Variants in FRAS1 observed in about 807,000 individuals in gnomAD.
FRAS1 encodes extracellular matrix organizing protein FRAS1.
In FRAS1, 290 loss-of-function variants were observed where a neutral mutation model predicts 435.2. The ratio of observed to expected loss-of-function variants is 0.67; its 90% CI spans 0.61 to 0.73. FRAS1 has a LOEUF of 0.73. Among genes scored for constraint, FRAS1 ranks in the 30% least tolerant of loss-of-function variants. The pLI, the probability that FRAS1 is intolerant of heterozygous loss-of-function variation, is 0.00. For missense variants in FRAS1, 4,860 were observed against 5,001.5 expected, an observed-to-expected ratio of 0.97 and a Z score of 0.85; for synonymous variants, 1,800 against 1,851.0, an observed-to-expected ratio of 0.97 and a Z score of 0.71.
intron 64 of FRAS1, 70 bp from the exon 65 acceptor site, chr4:78,513,322 G>A: frequency 6.7e-7 from 1 of 1,482,024 alleles, no homozygotes; most frequent in Admixed American, 1.9e-5. Flanking sequence ...TAGGTGATGA[G>A]AAAGAAGTAT....
At chr4:78,372,947 T>A in intron 24 of FRAS1, 89 bp downstream of exon 24, 1 of 1,404,920 alleles carries the variant, frequency 7.1e-7, no homozygotes, top group Non-Finnish European at 9.5e-7. Context: ...GTGGCAAGTT[T>A]CCCCTTCTGG....
chr4:78,152,345 C>T (rs1578154957), intron 2 of FRAS1, among the ~76,000 whole-genome samples: 1 of 152,030 alleles, frequency 6.6e-6, no homozygotes, highest in East Asian at 1.9e-4. Context: ...GACTGAGTGG[C>T]TTAAGGCAGC....
At chr4:78,193,289 G>C (rs1486463046) in intron 2 of FRAS1, among the ~76,000 whole-genome samples, 1 of 152,198 alleles carries the variant, frequency 6.6e-6, no homozygotes, top group Non-Finnish European at 1.5e-5. Flanking sequence ...TATTAGGTCT[G>C]CTTGGTGCAG....
intron 24 of FRAS1, among the ~76,000 whole-genome samples, chr4:78,373,359 C>T (rs1237936262): frequency 6.6e-6 from 1 of 151,624 alleles, no homozygotes; most frequent in Non-Finnish European, 1.5e-5. Flanking sequence ...AGAGAGCATT[C>T]CTAGGAGTAT....
At chr4:78,182,630 C>T (rs557430841) in intron 2 of FRAS1, among the ~76,000 whole-genome samples, 2 of 152,068 alleles carry the variant, frequency 1.3e-5, no homozygotes, top group African/African-American at 4.8e-5. Context: ...GTAATCCCAG[C>T]ACTTTGGGAG....
chr4:78,142,871 G>A (rs1387674311), intron 2 of FRAS1, among the ~76,000 whole-genome samples: 1 of 151,990 alleles, frequency 6.6e-6, no homozygotes, highest in Non-Finnish European at 1.5e-5. Flanking sequence ...AATAGTTAAG[G>A]AATGTGCAAC....
chr4:78,467,320 A>C (rs185507820), intron 50 of FRAS1, among the ~76,000 whole-genome samples: 5 of 152,226 alleles, frequency 3.3e-5, no homozygotes, highest in African/African-American at 4.8e-5. Flanking sequence ...AAGTGAGAAC[A>C]TGTGATGTTT....
At chr4:78,275,023 G>T (rs1028016308) in intron 9 of FRAS1, among the ~76,000 whole-genome samples, 1 of 152,138 alleles carries the variant, frequency 6.6e-6, no homozygotes, top group Non-Finnish European at 1.5e-5. Context: ...ATATATTTAG[G>T]ATAGTTAGCT....
At chr4:78,126,180 G>C (rs1308312998) in intron 2 of FRAS1, among the ~76,000 whole-genome samples, 1 of 152,078 alleles carries the variant, frequency 6.6e-6, no homozygotes, top group Non-Finnish European at 1.5e-5. Context: ...AGTGAGCAAG[G>C]CTCCGTGAGC....
chr4:78,506,045 G>A (rs1024302863), intron 61 of FRAS1, among the ~76,000 whole-genome samples: 5 of 152,206 alleles, frequency 3.3e-5, no homozygotes, highest in African/African-American at 1.2e-4. Flanking sequence ...CTGTTTGCCT[G>A]GGTATCACCA....
intron 34 of FRAS1, 112 bp downstream of exon 34, chr4:78,422,112 C>G (rs1733813476): frequency 8.9e-7 from 1 of 1,128,574 alleles, no homozygotes; most frequent in African/African-American, 1.6e-5. Context: ...CCCCTGCTTT[C>G]TAGCTATTCA....
intron 6 of FRAS1, among the ~76,000 whole-genome samples, chr4:78,258,010 C>T (rs566872823): frequency 7.2e-5 from 11 of 151,872 alleles, no homozygotes; most frequent in Non-Finnish European, 1.3e-4. Flanking sequence ...TTAATTAATC[C>T]GAGTAGTTTG....
chr4:78,084,363 G>C (rs755781760), intron 2 of FRAS1, among the ~76,000 whole-genome samples: 3 of 152,036 alleles, frequency 2.0e-5, no homozygotes, highest in Non-Finnish European at 4.4e-5. Flanking sequence ...ACTATCTGCT[G>C]TTACTATTGA....
intron 61 of FRAS1, among the ~76,000 whole-genome samples, chr4:78,502,045 T>C (rs1358481173): frequency 1.3e-5 from 2 of 152,236 alleles, no homozygotes; most frequent in Non-Finnish European, 2.9e-5. Context: ...TGGTGTTATT[T>C]CTGAGGCCTC....
At chr4:78,300,322 T>G (rs757533806) in intron 14 of FRAS1, among the ~76,000 whole-genome samples, 2 of 152,220 alleles carry the variant, frequency 1.3e-5, no homozygotes, top group Non-Finnish European at 1.5e-5. Context: ...ATGTTCTACA[T>G]TTATAAAATA....
Position 78,286,501 on chromosome 4 carries a change from G to A in FRAS1, c.1496G>A (p.Cys499Tyr), listed in dbSNP as rs1333849717. 1 of 1,613,406 alleles carries A rather than the reference G, an allele frequency of 6.2e-7. No individual in the cohort carries two copies. The highest frequency in any genetic ancestry group is 1.7e-5 in the Admixed American group (1 of 60,002). Residue 499 changes from cysteine (C) to tyrosine (Y), a missense_variant, in exon 14 of 74, where the codon TGT (cysteine) becomes TAT (tyrosine). Cys to Tyr is a radical substitution (Grantham distance 194, BLOSUM62 -2). Transcript: ENST00000512123. Reference protein sequence around the residue: ...LMRHGQCVPTCGDGFYQDRHS... With the variant: ...LMRHGQCVPTYGDGFYQDRHS... ...CGGCACGGGCAGTGTGTGCCTACCT[G>A]TGGGGACGGCTTCTACCAAGATCGC...
chr4:78,305,059 A>T (rs1377496572), intron 14 of FRAS1, among the ~76,000 whole-genome samples: 2 of 151,984 alleles, frequency 1.3e-5, no homozygotes, highest in Admixed American at 6.5e-5. Context: ...CTGGTATGTT[A>T]TGTCTTTGTT....
chr4:78,117,589 C>T (rs551208180), intron 2 of FRAS1, among the ~76,000 whole-genome samples: 65 of 152,164 alleles, frequency 4.3e-4, no homozygotes, highest in South Asian at 2.1e-3. Context: ...TTTGCTCTTC[C>T]GTCACTGATA....
rs954780807 is a variant in FRAS1, at chr4:78,424,879, A to G, written c.4711+459A>G. On this transcript the variant is annotated intron_variant, in intron 35 of 73. Transcript: ENST00000512123. ...CAGGAGGTCAAGGCTAGAGTGAGCT[A>G]TGACTGCACTACTGCACTGCAGCTT... is the stretch of plus-strand genomic sequence containing the variant. 2.6e-5 allele frequency among the ~76,000 whole-genome samples: 4 copies of G among 152,138 alleles called. No individual in the cohort carries two copies. The East Asian group carries it at 5.8e-4, about 22-fold the overall frequency.
Sources: gnomAD v4.1 joint callset for allele counts (sites outside exome capture counted in the v4.1 genomes callset) on GRCh38, gnomAD v4.1.1 for gene constraint, MANE v1.5 for transcripts, NCBI Gene and HGNC (gene_info 2026-07-23, HGNC 2026-07-21) for gene names.